The following TNNI3K variants were observed in gnomAD, a reference collection of about 807,000 sequenced individuals.
TNNI3K encodes TNNI3 interacting kinase.
Under a neutral mutation model 114.5 loss-of-function variants are expected in TNNI3K, and 140 were observed. That is an observed-to-expected ratio of 1.22 (90% confidence interval 1.07 to 1.41). The LOEUF is 1.41. Among genes scored for constraint, TNNI3K ranks in the 40% most tolerant of loss-of-function variants. TNNI3K has a pLI of 0.00. For synonymous variants in TNNI3K, 347 were observed against 347.5 expected, an observed-to-expected ratio of 1.00 and a Z score of 0.02; for missense variants, 1,125 against 1,007.6, an observed-to-expected ratio of 1.12 and a Z score of -1.58.
chr1:74,378,923 C>A (rs1315695295), intron 17 of TNNI3K: 1 of 151,554 alleles, frequency 6.6e-6, no homozygotes, highest in Non-Finnish European at 1.5e-5. Flanking sequence ...GAAGGCTGAT[C>A]TGGATTTGCA....
chr1:74,259,040 A>G (rs189997039), intron 4 of TNNI3K, among the ~76,000 whole-genome samples: 3 of 152,350 alleles, frequency 2.0e-5, no homozygotes, highest in African/African-American at 7.2e-5. Flanking sequence ...GATTTCAGAA[A>G]TGCTGCTCTC....
In TNNI3K at chr1:74,453,652, C is replaced by T. The variant is rs112870622; in HGVS notation, c.2012-9789C>T. On this transcript the variant is annotated intron_variant, in intron 20 of 24. Transcript: ENST00000326637. ...TCAGAAAAGCTTGAAGTTAGGGTCT[C>T]TTTTGCATCTCACATGTTCAAATTA... Among the ~76,000 whole-genome samples the T allele has an allele frequency of 8.6e-3, 1,307 of 152,252 alleles. 22 individuals are homozygous for T. The highest frequency in any genetic ancestry group is 0.03 in the African/African-American group (1,229 of 41,536).
At chr1:74,368,969 T>C in intron 13 of TNNI3K, 53 bp from the exon 14 acceptor site, 1 of 1,453,580 alleles carries the variant, frequency 6.9e-7, no homozygotes, top group East Asian at 2.3e-5. Context: ...TGTATACACA[T>C]CCATGTGTGT....
chr1:74,248,783 C>T (rs138190478), intron 2 of TNNI3K, among the ~76,000 whole-genome samples: 11 of 152,280 alleles, frequency 7.2e-5, no homozygotes, highest in African/African-American at 2.2e-4. Context: ...CCCCTCAAGG[C>T]AGGTCATAGA....
intron 5 of TNNI3K, among the ~76,000 whole-genome samples, chr1:74,316,977 G>A (rs1414275273): frequency 6.6e-6 from 1 of 152,104 alleles, no homozygotes; most frequent in Non-Finnish European, 1.5e-5. Flanking sequence ...GGGATTACAG[G>A]CGTAAACCAC....
intron 21 of TNNI3K, chr1:74,480,885 T>A (rs1304499044): frequency 2.8e-6 from 2 of 717,258 alleles, no homozygotes; most frequent in African/African-American, 3.5e-5. Context: ...AGGGCAAGAT[T>A]AAACAAGAGA....
chr1:74,508,286 T>C (rs961275220), intron 23 of TNNI3K, among the ~76,000 whole-genome samples: 1 of 152,236 alleles, frequency 6.6e-6, no homozygotes, highest in African/African-American at 2.4e-5. Context: ...ATAAAAATAG[T>C]AATAATAATA....
At chr1:74,266,116 G>A (rs1329040084) in intron 4 of TNNI3K, among the ~76,000 whole-genome samples, 1 of 151,988 alleles carries the variant, frequency 6.6e-6, no homozygotes, top group Non-Finnish European at 1.5e-5. Context: ...AGGATGCCGT[G>A]TGGATGGCTT....
At chr1:74,293,756 C>T (rs1391813037) in intron 5 of TNNI3K, among the ~76,000 whole-genome samples, 1 of 151,518 alleles carries the variant, frequency 6.6e-6, no homozygotes, top group East Asian at 1.9e-4. Flanking sequence ...TGTTTTATTC[C>T]TGATTTTAGG....
At chr1:74,329,116 A>G (rs552309028) in intron 5 of TNNI3K, among the ~76,000 whole-genome samples, 3 of 152,126 alleles carry the variant, frequency 2.0e-5, no homozygotes, top group Non-Finnish European at 4.4e-5. Flanking sequence ...TGTTAATAAA[A>G]TCAAGGTCAG....
intron 23 of TNNI3K, among the ~76,000 whole-genome samples, chr1:74,530,650 T>C (rs1646570014): frequency 6.6e-6 from 1 of 152,010 alleles, no homozygotes; most frequent in African/African-American, 2.4e-5. Flanking sequence ...TCCTTCTTGG[T>C]AAGATGGTAG....
chr1:74,449,070 T>C (rs1666855657), intron 20 of TNNI3K, among the ~76,000 whole-genome samples: 1 of 138,402 alleles, frequency 7.2e-6, no homozygotes, highest in Non-Finnish European at 1.6e-5. Flanking sequence ...CTGGTAGAAT[T>C]TGGCTGTGAA....
chr1:74,469,775 C>G, intron 21 of TNNI3K: 1 of 397,474 alleles, frequency 2.5e-6, no homozygotes, highest in Non-Finnish European at 4.4e-6. Flanking sequence ...TTGTTGTCCT[C>G]CAAAATGATC....
rs866222974 is a variant in TNNI3K, at chr1:74,449,626, T to G, written c.2011+10004T>G. 8.2e-3 allele frequency among the ~76,000 whole-genome samples: 1,244 copies of G among 151,554 alleles called. 20 individuals carry two copies. Among genetic ancestry groups the G allele is most frequent in the African/African-American group, 0.028 (1,170 of 41,110 alleles). On this transcript the variant is annotated intron_variant, in intron 20 of 24. Coordinates refer to ENST00000326637, the MANE Select transcript of TNNI3K (RefSeq NM_015978.3). ...AATCCTAGTCTTCGATAAAACAGAC[T>G]TTAAACCAACAAAGATCAAAAGAGA...
chr1:74,263,553 G>A (rs1282614121), intron 4 of TNNI3K, among the ~76,000 whole-genome samples: 1 of 151,930 alleles, frequency 6.6e-6, no homozygotes, highest in East Asian at 1.9e-4. Context: ...GGTCCTATTT[G>A]GGCCATTAGA....
intron 5 of TNNI3K, among the ~76,000 whole-genome samples, chr1:74,308,364 G>C (rs548802): frequency 6.6e-6 from 1 of 152,146 alleles, no homozygotes; most frequent in African/African-American, 2.4e-5. Context: ...GGAAAACTCT[G>C]AAAACTACAC....
chr1:74,423,652 C>T (rs1231387456), intron 17 of TNNI3K, among the ~76,000 whole-genome samples: 1 of 152,090 alleles, frequency 6.6e-6, no homozygotes, highest in Non-Finnish European at 1.5e-5. Context: ...ACCGCAGTTG[C>T]TTAACCTTTC....
At chr1:74,443,151 A>G (rs1331500063) in intron 20 of TNNI3K, among the ~76,000 whole-genome samples, 1 of 152,068 alleles carries the variant, frequency 6.6e-6, no homozygotes, top group Non-Finnish European at 1.5e-5. Flanking sequence ...AAGAAAAGAA[A>G]TAACCTACAT....
intron 21 of TNNI3K, chr1:74,470,036 G>A (rs1421820580): frequency 2.5e-6 from 1 of 400,570 alleles, no homozygotes; most frequent in African/African-American, 2.1e-5. Context: ...AAGAAGGAAA[G>A]CGCTTCATGT....
Sources: allele counts gnomAD v4.1 joint callset (sites outside exome capture counted in the v4.1 genomes callset), GRCh38; gene constraint gnomAD v4.1.1; transcripts MANE v1.5; gene names NCBI Gene and HGNC (gene_info 2026-07-23, HGNC 2026-07-21).